EOMES: variants seen among roughly 807,000 people sequenced by gnomAD.
EOMES encodes eomesodermin.
A neutral mutation model predicts 61.0 loss-of-function variants in EOMES; 18 were observed. The observed-to-expected ratio is 0.30, with a 90% CI of 0.20 to 0.44. The LOEUF is 0.44. Ranked by LOEUF, EOMES falls within the 20% of genes least tolerant of loss-of-function variation. EOMES has a pLI of 1.00. For synonymous variants in EOMES, 430 were observed against 394.0 expected (o/e 1.09, Z -1.08); for missense variants, 885 against 939.2 (o/e 0.94, Z 0.75).
chr3:27,718,184 C>T (rs575459401), intron 5 of EOMES, among the ~76,000 whole-genome samples: 1 of 151,056 alleles, frequency 6.6e-6, no homozygotes, highest in East Asian at 2.0e-4. Context: ...CTTGCTATTT[C>T]GTGTTGTGAA....
At position 27,721,925 on chromosome 3, in the gene EOMES, CG is replaced by C. The variant is rs2060618126; in HGVS notation, c.369del (p.Ala124ProfsTer16). ...GCAGTGGCCGCAGCCGCGGCGGCGG[CG>C]GCGGCGGCGGCTGCAGCGGCGGAGG... The part of the protein sequence containing the change: ...ELPSAAAAAA[A>X]AAAAAAATAR... On this transcript the variant is annotated frameshift_variant, in exon 1 of 6. Transcript: ENST00000449599. LOFTEE classifies it high-confidence loss of function. This position sits in a 1 kb window ranked among gnomAD's most constrained non-coding sequence, Gnocchi z 7.4. 1.3e-5 allele frequency: 18 copies of C among 1,361,694 alleles called. 1 individual carries two copies. Among genetic ancestry groups the C allele is most frequent in the South Asian group, 1.2e-4 (6 of 48,418 alleles). 84.4% of individuals were successfully genotyped at this position (1,361,694 alleles called of 1,614,324 possible). A position where few individuals can be genotyped will look rare whatever the true frequency, so the allele number is the denominator to read the frequency against.
chr3:27,722,174 G>T lies in EOMES; in HGVS notation c.121C>A (p.Pro41Thr), dbSNP rs762488869. 1.3e-6 allele frequency: 2 copies of T among 1,589,730 alleles called. No individual in the cohort carries two copies. The highest frequency in any genetic ancestry group is 4.6e-5 in the East Asian group (2 of 43,824). The change falls in exon 1 of 6, where the codon CCC becomes ACC. Residue 41 changes from proline to threonine, a missense_variant. Pro to Thr is a conservative substitution (Grantham distance 38). This residue lies in a region of EOMES where 449 missense variants were observed against 383.6 expected (regional missense o/e 1.17). Transcript: ENST00000449599. Reference sequence around the variant, plus strand: ...TCTAAGTCCAACTTCTGAGGAGAGGGGGCCGCGCTGGGGAGGTGGCCAGCG... The same window carrying T: ...TCTAAGTCCAACTTCTGAGGAGAGGTGGCCGCGCTGGGGAGGTGGCCAGCG... Reference protein sequence around the residue: ...GSAGHLPSAAPSPQKLDLDKA... With the variant: ...GSAGHLPSAATSPQKLDLDKA...
rs1262381144 is a variant in EOMES, at chr3:27,717,923, G to A, written c.1380-115C>T. On this transcript the variant is annotated intron_variant, in intron 5 of 5. Coordinates refer to ENST00000449599, the MANE Select transcript of EOMES (RefSeq NM_001278182.2). This position sits in a 1 kb window ranked among gnomAD's most constrained non-coding sequence, Gnocchi z 4.5. ...GTTGGTTATCTACACCGAAAGTGCT[G>A]GTCTGTTGGGCTGAAAGAACAGAGG... is the stretch of plus-strand genomic sequence containing the variant. 4.0e-6 allele frequency: 3 copies of A among 744,324 alleles called. No homozygotes were observed. Among genetic ancestry groups the A allele is most frequent in the East Asian group, 2.7e-5 (1 of 36,804 alleles). 46.1% of individuals were successfully genotyped at this position (744,324 alleles called of 1,614,324 possible). A position where few individuals can be genotyped will look rare whatever the true frequency, so the allele number is the denominator to read the frequency against.
In EOMES at chr3:27,717,469, G is replaced by A. The variant is rs752005397; in HGVS notation, c.1719C>T (p.Pro573=). ...TLLPYGIKSL[P]LQTSHALGYY... ...ACCCCAGGGCATGGGATGTCTGAAG[G>A]GGCAAGGATTTAATGCCATATGGGA... The change falls in exon 6 of 6, where the codon CCC becomes CCT. Residue 573 remains proline (P), a synonymous_variant. Coordinates refer to ENST00000449599, the MANE Select transcript of EOMES (RefSeq NM_001278182.2). This position sits in a 1 kb window ranked among gnomAD's most constrained non-coding sequence, Gnocchi z 4.5. 29 of 1,614,136 alleles carry A rather than the reference G, an allele frequency of 1.8e-5. No individual in the cohort carries two copies. The South Asian group carries it at 3.2e-4, about 18-fold the overall frequency.
At chr3:27,719,171 A>G (rs1576803569) in intron 3 of EOMES, among the ~76,000 whole-genome samples, 189 bp downstream of exon 3, 1 of 152,016 alleles carries the variant, frequency 6.6e-6, no homozygotes, top group African/African-American at 2.4e-5. Context: ...TAGTCAACTC[A>G]CTGTTATCGA....
Position 27,717,145 on chromosome 3 carries a change from G to A in EOMES, c.2043C>T (p.Asp681=). ...CTTTACTATACTCTTCAGCATTAAT[G>A]TCCTCACACTTTATGGAGGGTGAAT... is the stretch of plus-strand genomic sequence containing the variant. The part of the protein sequence containing the change: ...NENSPSIKCE[D]INAEEYSKDT... Residue 681 remains aspartate (D), a synonymous_variant, in exon 6 of 6, where the codon GAC becomes GAT. Coordinates refer to ENST00000449599, the MANE Select transcript of EOMES (RefSeq NM_001278182.2). This position sits in a 1 kb window ranked among gnomAD's most constrained non-coding sequence, Gnocchi z 4.5. The A allele has an allele frequency of 6.2e-7, 1 of 1,611,832 alleles. No individual in the cohort carries two copies.
In EOMES at chr3:27,721,271, T is replaced by A; in HGVS notation, c.881+143A>T. ...GGGACACCGCATTGGAGATGCGGTG[T>A]CTACGGAGATTTATTGCGCGCGGTG... On this transcript the variant is annotated intron_variant, in intron 1 of 5. Coordinates refer to ENST00000449599, the MANE Select transcript of EOMES (RefSeq NM_001278182.2). This position sits in a 1 kb window ranked among gnomAD's most constrained non-coding sequence, Gnocchi z 7.4. 1 of 655,984 alleles carries A rather than the reference T, an allele frequency of 1.5e-6. No individual in the cohort carries two copies. Among genetic ancestry groups the A allele is most frequent in the Non-Finnish European group, 2.6e-6 (1 of 384,800 alleles). 40.6% of individuals were successfully genotyped at this position (655,984 alleles called of 1,614,324 possible).
At position 27,718,815 on chromosome 3, in the gene EOMES, A is replaced by G. The variant is rs2060588895; in HGVS notation, c.1237T>C (p.Leu413=). Residue 413 remains leucine, a synonymous_variant, in exon 4 of 6, where the codon TTG becomes CTG. Coordinates refer to ENST00000449599, the MANE Select transcript of EOMES (RefSeq NM_001278182.2). ...GTCTGGGTCTTTGAGGGCTCATTCA[A>G]GTCCTCCACGCCATCCTCTGTAACT... ...VEVTEDGVED[L]NEPSKTQTFT... is the part of the protein sequence containing the mutation. The G allele has an allele frequency of 6.2e-7, 1 of 1,614,024 alleles. No homozygotes were observed. Among genetic ancestry groups the G allele is most frequent in the Non-Finnish European group, 8.5e-7 (1 of 1,179,984 alleles).
chr3:27,721,897 C>G lies in EOMES; in HGVS notation c.398G>C (p.Arg133Pro). 1 of 1,429,586 alleles carries G rather than the reference C, an allele frequency of 7.0e-7. No homozygotes were observed. Among genetic ancestry groups the G allele is most frequent in the Non-Finnish European group, 9.1e-7 (1 of 1,099,664 alleles). 88.6% of individuals were successfully genotyped at this position (1,429,586 alleles called of 1,614,324 possible). ...AAAAAAAATARYSMDSLSSER... is the reference protein window; with the variant it reads ...AAAAAAAATAPYSMDSLSSER... ...GGAGCTCAGGCTGTCCATGGAGTAG[C>G]GCGCAGTGGCCGCAGCCGCGGCGGC... Residue 133 changes from arginine to proline, a missense_variant, in exon 1 of 6, where the codon CGC becomes CCC. Arg to Pro is a moderately radical substitution (Grantham distance 103). This residue lies in a region of EOMES where 449 missense variants were observed against 383.6 expected (regional missense o/e 1.17). Coordinates refer to ENST00000449599, the MANE Select transcript of EOMES (RefSeq NM_001278182.2). This position sits in a 1 kb window ranked among gnomAD's most constrained non-coding sequence, Gnocchi z 7.4.
At position 27,716,145 on chromosome 3, in the gene EOMES, G is replaced by A. The variant is rs1175772185; in HGVS notation, c.*925C>T. On this transcript the variant is annotated 3_prime_UTR_variant, in exon 6 of 6. Coordinates refer to ENST00000449599, the MANE Select transcript of EOMES (RefSeq NM_001278182.2). ...ACACGGTTCAAGTTAGTACATAGTA[G>A]CTGAATACATTCTTAACTATCTAAG... 1 of 152,172 alleles carries A rather than the reference G, an allele frequency of 6.6e-6. No individual in the cohort carries two copies. The highest frequency in any genetic ancestry group is 1.5e-5 in the Non-Finnish European group (1 of 68,038). The allele number at this position is 152,172 out of a possible 1,614,324, so 9.4% of individuals were successfully genotyped here. A position where few individuals can be genotyped will look rare whatever the true frequency, so the allele number is the denominator to read the frequency against.
chr3:27,717,361 T>C lies in EOMES; in HGVS notation c.1827A>G (p.Pro609=). The C allele has an allele frequency of 6.2e-7, 1 of 1,614,206 alleles. No homozygotes were observed. The highest frequency in any genetic ancestry group is 1.1e-5 in the South Asian group (1 of 91,092). The part of the protein sequence containing the change: ...SYQRKMAAGL[P]WTSRTSPTVF... ...CAGTGGGGCTTGTTCTGGAGGTCCA[T>C]GGTAGTCCAGCTGCCATCTTCCTCT... is the stretch of plus-strand genomic sequence containing the variant. Residue 609 remains proline, a synonymous_variant, in exon 6 of 6, where the codon CCA becomes CCG. Coordinates refer to ENST00000449599, the MANE Select transcript of EOMES (RefSeq NM_001278182.2). This position sits in a 1 kb window ranked among gnomAD's most constrained non-coding sequence, Gnocchi z 4.5.
intron 2 of EOMES, 115 bp from the exon 3 acceptor site, chr3:27,719,596 T>A: frequency 1.0e-6 from 1 of 959,216 alleles, no homozygotes; most frequent in Non-Finnish European, 1.6e-6. Context: ...GACTTACAGT[T>A]GGTCTCCCAG....
chr3:27,718,215 G>GT (rs2060584261), intron 5 of EOMES, among the ~76,000 whole-genome samples: 1 of 150,284 alleles, frequency 6.7e-6, no homozygotes, highest in Non-Finnish European at 1.5e-5. Context: ...CTTAGTTTCA[G>GT]TTTTTTCTTA....
At chr3:27,722,366 G>T, upstream of EOMES, 1 of 1,396,184 alleles carries the variant, frequency 7.2e-7, no homozygotes, top group East Asian at 3.0e-5. Flanking sequence ...GCAGGATGGG[G>T]GAGCCAGCGC....
chr3:27,721,908 C>G lies in EOMES; in HGVS notation c.387G>C (p.Ala129=). 2.1e-6 allele frequency: 3 copies of G among 1,396,898 alleles called. No homozygotes were observed. Among genetic ancestry groups the G allele is most frequent in the Non-Finnish European group, 2.8e-6 (3 of 1,086,714 alleles). The allele number at this position is 1,396,898 out of a possible 1,614,324, so 86.5% of individuals were successfully genotyped here. Residue 129 remains alanine, a synonymous_variant, in exon 1 of 6, where the codon GCG becomes GCC. Transcript: ENST00000449599. This position sits in a 1 kb window ranked among gnomAD's most constrained non-coding sequence, Gnocchi z 7.4. ...AAAAAAAAAA[A]ATARYSMDSL... ...TGTCCATGGAGTAGCGCGCAGTGGC[C>G]GCAGCCGCGGCGGCGGCGGCGGCGG...
rs990756245 is a variant in EOMES at position 27,721,932 on chromosome 3, G to GGCGGCTGCA, written c.354_362dup (p.Ala128_Ala130dup). 3.7e-6 allele frequency: 5 copies of GGCGGCTGCA among 1,369,348 alleles called. No homozygotes were observed. Among genetic ancestry groups the GGCGGCTGCA allele is most frequent in the East Asian group, 3.3e-5 (1 of 30,750 alleles). 84.8% of individuals were successfully genotyped at this position (1,369,348 alleles called of 1,614,324 possible). A position where few individuals can be genotyped will look rare whatever the true frequency, so the allele number is the denominator to read the frequency against. On this transcript the variant is annotated inframe_insertion, in exon 1 of 6. Transcript: ENST00000449599. The surrounding 1 kb of genome is among the most constrained non-coding windows in gnomAD (Gnocchi z 7.4). ...CCGCAGCCGCGGCGGCGGCGGCGGC[G>GGCGGCTGCA]GCGGCTGCAGCGGCGGAGGGCAGCT...
chr3:27,720,120 A>G, intron 2 of EOMES, 51 bp downstream of exon 2: 1 of 1,501,542 alleles, frequency 6.7e-7, no homozygotes, highest in Non-Finnish European at 8.9e-7. Flanking sequence ...GTCGAGGGTT[A>G]CGATTTCTTC....
Position 27,719,381 on chromosome 3 carries a change from G to A in EOMES, c.1137C>T (p.Gly379=), listed in dbSNP as rs772086659. Residue 379 remains glycine (G), a synonymous_variant, in exon 3 of 6, where the codon GGC becomes GGT. Transcript: ENST00000449599. Reference sequence around the variant, plus strand: ...CTACCTGGGTGTTGTTGTTATTTGCGCCTTTGTTATTGGTGAGTTTTAATT... The same window carrying A: ...CTACCTGGGTGTTGTTGTTATTTGCACCTTTGTTATTGGTGAGTTTTAATT... ...FGKLKLTNNK[G]ANNNNTQMIV... 46 of 1,613,784 alleles carry A rather than the reference G, an allele frequency of 2.9e-5. No individual in the cohort carries two copies. The highest frequency in any genetic ancestry group is 3.7e-5 in the Non-Finnish European group (44 of 1,179,878).
chr3:27,720,344 T>C lies in EOMES; in HGVS notation c.882-19A>G, dbSNP rs1455346307. The stretch of plus-strand genomic sequence containing the variant: ...CATGCGCCTGTGCAAGGGAATAGAA[T>C]CAGAAAAATCGATTTTAATTGGGAT... On this transcript the variant is annotated intron_variant, in intron 1 of 5. Coordinates refer to ENST00000449599, the MANE Select transcript of EOMES (RefSeq NM_001278182.2). 2 of 1,612,772 alleles carry C rather than the reference T, an allele frequency of 1.2e-6. No homozygotes were observed. Among genetic ancestry groups the C allele is most frequent in the African/African-American group, 2.7e-5 (2 of 74,928 alleles).
Sources: allele counts gnomAD v4.1 joint callset (sites outside exome capture counted in the v4.1 genomes callset), GRCh38; gene constraint gnomAD v4.1.1; regional missense constraint gnomAD v4.1.1; non-coding constraint Gnocchi (gnomAD v3.1); transcripts MANE v1.5; gene names NCBI Gene and HGNC (gene_info 2026-07-23, HGNC 2026-07-21).